TTC6: variants seen among roughly 807,000 people sequenced by gnomAD.
TTC6 encodes tetratricopeptide repeat protein 6.
TTC6 carries 172 observed loss-of-function variants against 210.4 expected under a neutral mutation model. The ratio of observed to expected loss-of-function variants is 0.82; its 90% CI spans 0.72 to 0.93. The LOEUF (loss-of-function observed/expected upper bound fraction) is 0.93. TTC6 is among the 40% of genes least tolerant of loss of function. The pLI, the probability that TTC6 is intolerant of heterozygous loss-of-function variation, is 0.00. For synonymous variants in TTC6, 804 were observed against 819.6 expected (o/e 0.98, Z 0.32); for missense variants, 2,414 against 2,318.1 (o/e 1.04, Z -0.85).
chr14:37,821,365 G>A (rs903282207), intron 26 of TTC6, among the ~76,000 whole-genome samples: 6 of 152,072 alleles, frequency 3.9e-5, no homozygotes, highest in Admixed American at 3.3e-4. Flanking sequence ...TACTGTGCCC[G>A]GCCTGACTTT....
intron 14 of TTC6, among the ~76,000 whole-genome samples, chr14:37,759,183 T>C (rs545498491): frequency 1.2e-4 from 18 of 149,608 alleles, no homozygotes; most frequent in Admixed American, 4.7e-4. Flanking sequence ...GAATCGCTTG[T>C]ACCTGGGAGG....
chr14:37,711,307 C>G (rs2095844367), intron 5 of TTC6, among the ~76,000 whole-genome samples: 1 of 152,056 alleles, frequency 6.6e-6, no homozygotes, highest in Admixed American at 6.6e-5. Context: ...AGCCTATGCT[C>G]TACTGTGAAA....
intron 6 of TTC6, among the ~76,000 whole-genome samples, chr14:37,723,249 A>G (rs1006205696): frequency 9.2e-5 from 14 of 152,114 alleles, no homozygotes; most frequent in Non-Finnish European, 1.6e-4. Flanking sequence ...CCATTTCAAC[A>G]AGGAGCCCTG....
chr14:37,622,146 G>T lies in TTC6; in HGVS notation c.82G>T (p.Glu28Ter). 1 of 1,535,512 alleles carries T rather than the reference G, an allele frequency of 6.5e-7. No individual in the cohort carries two copies. Among genetic ancestry groups the T allele is most frequent in the Non-Finnish European group, 8.7e-7 (1 of 1,146,676 alleles). ...TAAAGAGCTTGAGAAAGTTCGGCAG[G>T]AAACTAAAAAGGATTTTCTCCGATT... The change falls in exon 1 of 31, where the codon GAA becomes TAA. Residue 28 changes from glutamate to a stop codon, truncating the protein, a stop_gained. Coordinates refer to ENST00000553443, the Ensembl canonical transcript of TTC6. LOFTEE classifies it high-confidence loss of function.
intron 14 of TTC6, among the ~76,000 whole-genome samples, chr14:37,771,807 G>C (rs370824031): frequency 5.8e-4 from 89 of 152,290 alleles, no homozygotes; most frequent in African/African-American, 1.9e-3. Flanking sequence ...CTCAGCTCGT[G>C]AAAGTCATTC....
At chr14:37,767,670 G>T (rs1370852617) in intron 14 of TTC6, among the ~76,000 whole-genome samples, 2 of 151,926 alleles carry the variant, frequency 1.3e-5, no homozygotes, top group South Asian at 2.1e-4. Flanking sequence ...TTGTAAATTT[G>T]TTTGAGTTCA....
At chr14:37,673,083 AT>A (rs1030241471) in intron 1 of TTC6, among the ~76,000 whole-genome samples, 22 of 151,922 alleles carry the variant, frequency 1.4e-4, no homozygotes, top group African/African-American at 4.3e-4. Context: ...TTCAAATTCC[AT>A]TTTTTTTCTT....
chr14:37,738,473 A>G (rs550575773), intron 9 of TTC6, among the ~76,000 whole-genome samples: 2 of 152,118 alleles, frequency 1.3e-5, no homozygotes, highest in East Asian at 1.9e-4. Context: ...ATTTGGATAT[A>G]TAGAGAGCAT....
chr14:37,721,507 T>G (rs192253177), intron 6 of TTC6, among the ~76,000 whole-genome samples: 89 of 152,188 alleles, frequency 5.8e-4, no homozygotes, highest in African/African-American at 2.1e-3. Context: ...ACAAATACAC[T>G]CGGGTGTTTT....
intron 5 of TTC6, among the ~76,000 whole-genome samples, chr14:37,710,181 C>T (rs552544746): frequency 6.6e-6 from 1 of 152,120 alleles, no homozygotes; most frequent in East Asian, 1.9e-4. Flanking sequence ...CTTTTGTATA[C>T]CAAAGAGCAA....
At chr14:37,839,577 T>A (rs1430485882) in intron 29 of TTC6, among the ~76,000 whole-genome samples, 1 of 152,142 alleles carries the variant, frequency 6.6e-6, no homozygotes, top group East Asian at 1.9e-4. Flanking sequence ...ATTGCAAAAA[T>A]TTTCTCCCAT....
chr14:37,774,764 A>G (rs2096031849), intron 14 of TTC6, among the ~76,000 whole-genome samples: 1 of 152,130 alleles, frequency 6.6e-6, no homozygotes, highest in African/African-American at 2.4e-5. Context: ...ATGAGTTAGG[A>G]AGAGGCTTCT....
Position 37,739,093 on chromosome 14 carries a change from GA to G in TTC6, c.2304del (p.Lys768AsnfsTer54). On this transcript the variant is annotated frameshift_variant, in exon 10 of 31. Transcript: ENST00000553443. LOFTEE classifies it high-confidence loss of function. ...AGAAGATGAGATGGAAGAAAAGATT[GA>G]AACAACAAAAACTTATATTCGTGCA... The G allele has an allele frequency of 6.5e-7, 1 of 1,529,394 alleles. No individual in the cohort carries two copies. Among genetic ancestry groups the G allele is most frequent in the Non-Finnish European group, 8.7e-7 (1 of 1,145,338 alleles). 94.7% of individuals were successfully genotyped at this position (1,529,394 alleles called of 1,614,324 possible).
At chr14:37,745,345 GAT>G in intron 10 of TTC6, among the ~76,000 whole-genome samples, 1 of 152,278 alleles carries the variant, frequency 6.6e-6, no homozygotes. Context: ...GTAAAATGGA[GAT>G]ATGGTGGGAA....
At chr14:37,788,973 C>T (rs1028828440) in intron 15 of TTC6, among the ~76,000 whole-genome samples, 1 of 151,934 alleles carries the variant, frequency 6.6e-6, no homozygotes, top group African/African-American at 2.4e-5. Context: ...CTTCTCATGC[C>T]CTCCTCTCCC....
At chr14:37,622,622 A>G (rs2139300260) in exon 1 of TTC6, 1 of 1,535,044 alleles carries the variant, frequency 6.5e-7, no homozygotes, top group East Asian at 2.4e-5. Flanking sequence ...GGGAGCGCGA[A>G]CAGAGCCAGG....
chr14:37,668,110 G>A (rs558249408), intron 1 of TTC6, among the ~76,000 whole-genome samples: 1 of 150,096 alleles, frequency 6.7e-6, no homozygotes, highest in African/African-American at 2.4e-5. Flanking sequence ...ACACCAGCCT[G>A]GGCGACAGTG....
At chr14:37,702,464 C>T (rs1312907955) in intron 5 of TTC6, among the ~76,000 whole-genome samples, 7 of 152,114 alleles carry the variant, frequency 4.6e-5, no homozygotes, top group African/African-American at 1.4e-4. Flanking sequence ...TGTGCTCCCC[C>T]GACCCAAAGC....
exon 5 of TTC6, chr14:37,701,495 G>A (rs2095825354): frequency 6.6e-7 from 1 of 1,511,882 alleles, no homozygotes; most frequent in Non-Finnish European, 8.8e-7. Flanking sequence ...TTTCTTAGAT[G>A]ATCGCTTTAC....
Sources: allele counts gnomAD v4.1 joint callset (sites outside exome capture counted in the v4.1 genomes callset), GRCh38; gene constraint gnomAD v4.1.1; transcripts MANE v1.5; gene names NCBI Gene and HGNC (gene_info 2026-07-23, HGNC 2026-07-21).